The following RUBCNL variants were observed in gnomAD, a reference collection of about 807,000 sequenced individuals.
The protein encoded by RUBCNL is rubicon like autophagy enhancer.
RUBCNL carries 62 observed loss-of-function variants against 69.5 expected under a neutral mutation model. The observed-to-expected ratio is 0.89, with a 90% CI of 0.73 to 1.10. RUBCNL has a LOEUF of 1.10. Ranked by LOEUF, RUBCNL falls within the 50% of genes least tolerant of loss-of-function variation. The pLI is 0.00. For missense variants in RUBCNL, 768 were observed against 798.1 expected (o/e 0.96, Z 0.45); for synonymous variants, 291 against 303.6 (o/e 0.96, Z 0.43).
rs1259170071 is a variant in RUBCNL, at chr13:46,341,394, T to TA, written c.*1990dup. Among the ~76,000 whole-genome samples the TA allele has an allele frequency of 6.6e-6, 1 of 152,178 alleles. No individual in the cohort carries two copies. Among genetic ancestry groups the TA allele is most frequent in the African/African-American group, 2.4e-5 (1 of 41,436 alleles). ...CCATGTGGGCTGAAGATCACTTCCC[T>TA]AACAGGTGCCTTCCTGGGAAGAAGC... On this transcript the variant is annotated 3_prime_UTR_variant, in exon 15 of 15. Coordinates refer to ENST00000429979, the MANE Select transcript of RUBCNL (RefSeq NM_025113.5).
rs1055119892 is a variant in RUBCNL at position 46,341,103 on chromosome 13, G to A, written c.*2282C>T. 6.6e-6 allele frequency among the ~76,000 whole-genome samples: 1 copy of A among 152,220 alleles called. No homozygotes were observed. Among genetic ancestry groups the A allele is most frequent in the Non-Finnish European group, 1.5e-5 (1 of 68,034 alleles). ...CCTCATCCTATAGCCTCTGCCTTGA[G>A]ATGGTGTAACTTCCTCCCTGCAGTT... On this transcript the variant is annotated 3_prime_UTR_variant, in exon 15 of 15. Coordinates refer to ENST00000429979, the MANE Select transcript of RUBCNL (RefSeq NM_025113.5).
chr13:46,351,934 T>C (rs1348091664), intron 10 of RUBCNL, among the ~76,000 whole-genome samples: 1 of 150,916 alleles, frequency 6.6e-6, no homozygotes, highest in Non-Finnish European at 1.5e-5. Flanking sequence ...GTTCAAGTGA[T>C]TCTCCTGCCT....
intron 2 of RUBCNL, among the ~76,000 whole-genome samples, chr13:46,376,745 C>A (rs933837661): frequency 1.3e-5 from 2 of 152,172 alleles, no homozygotes; most frequent in Admixed American, 6.5e-5. Flanking sequence ...TCTTTCTAGA[C>A]CTTTATCTAT....
At chr13:46,365,569 CAT>C (rs1247141513) in intron 5 of RUBCNL, among the ~76,000 whole-genome samples, 1 of 152,174 alleles carries the variant, frequency 6.6e-6, no homozygotes, top group East Asian at 1.9e-4. Flanking sequence ...AGTGGCAGGA[CAT>C]TGCTTCTGAA....
Position 46,335,260 on chromosome 13 carries a change from GTTTTTTTT to G in RUBCNL, c.*8117_*8124del, listed in dbSNP as rs764458781. On this transcript the variant is annotated 3_prime_UTR_variant, in exon 15 of 15. Coordinates refer to ENST00000429979, the MANE Select transcript of RUBCNL (RefSeq NM_025113.5). ...GTGTCTTTTTGTTGTTGTTGTTGTT[GTTTTTTTT>G]TTTTTTTTTTTTTTTTTAAGAGACA... Among the ~76,000 whole-genome samples the G allele has an allele frequency of 4.9e-5, 5 of 101,902 alleles. No homozygotes were observed. The East Asian group carries it at 1.1e-3, about 23-fold the overall frequency. 66.9% of individuals were successfully genotyped at this position (101,902 alleles called of 152,430 possible). A position where few individuals can be genotyped will look rare whatever the true frequency, so the allele number is the denominator to read the frequency against.
intron 5 of RUBCNL, 34 bp from the exon 6 acceptor site, chr13:46,363,247 A>C: frequency 8.1e-7 from 1 of 1,228,540 alleles, no homozygotes; most frequent in Non-Finnish European, 1.1e-6. Context: ...TTTTACCAAT[A>C]AGAAGAAAAA....
chr13:46,387,470 T>C (rs2049278900), upstream of RUBCNL: 3 of 985,474 alleles, frequency 3.0e-6, no homozygotes, highest in Middle Eastern at 1.6e-3. Context: ...CACGCACCTA[T>C]GCGCGCCTCT....
At chr13:46,381,237 A>G (rs1474822530) in intron 1 of RUBCNL, among the ~76,000 whole-genome samples, 1 of 152,242 alleles carries the variant, frequency 6.6e-6, no homozygotes, top group Non-Finnish European at 1.5e-5. Flanking sequence ...TTGATGAATT[A>G]ACAAAGTGTG....
At chr13:46,352,757 T>C (rs1398906927) in intron 10 of RUBCNL, among the ~76,000 whole-genome samples, 1 of 152,050 alleles carries the variant, frequency 6.6e-6, no homozygotes, top group Admixed American at 6.5e-5. Context: ...TGAGCCAAGA[T>C]TGCGCCATTG....
chr13:46,360,764 A>T (rs377673647), intron 8 of RUBCNL, among the ~76,000 whole-genome samples: 1 of 152,358 alleles, frequency 6.6e-6, no homozygotes, highest in African/African-American at 2.4e-5. Context: ...CTCTGACAGC[A>T]GTGAGCAGTG....
In RUBCNL at chr13:46,387,205, C is replaced by G. The variant is rs540847661; in HGVS notation, c.-310G>C. On this transcript the variant is annotated 5_prime_UTR_variant, in exon 1 of 15. Transcript: ENST00000429979. ...CGTCGGGTCCTCCCTCGCGCGGCTC[C>G]GGGCAGCGTTCCGTGGCCACCGCGC... is the stretch of plus-strand genomic sequence containing the variant. 600 of 985,224 alleles carry G rather than the reference C, an allele frequency of 6.1e-4. 1 individual carries two copies. Among genetic ancestry groups the G allele is most frequent in the Non-Finnish European group, 6.7e-4 (552 of 829,918 alleles). The allele number at this position is 985,224 out of a possible 1,614,324, so 61.0% of individuals were successfully genotyped here.
At position 46,336,402 on chromosome 13, in the gene RUBCNL, ATTAGT is replaced by A. The variant is rs1476473574; in HGVS notation, c.*6978_*6982del. ...TCTCATTTATCATCTGTAATTTGTC[ATTAGT>A]TTAAATGATCTATCATTTATTTAAA... is the stretch of plus-strand genomic sequence containing the variant. On this transcript the variant is annotated 3_prime_UTR_variant, in exon 15 of 15. Transcript: ENST00000429979. 6.6e-6 allele frequency among the ~76,000 whole-genome samples: 1 copy of A among 152,156 alleles called. No individual in the cohort carries two copies. The highest frequency in any genetic ancestry group is 6.5e-5 in the Admixed American group (1 of 15,278).
At chr13:46,381,739 C>T (rs769799534) in intron 1 of RUBCNL, among the ~76,000 whole-genome samples, 9 of 152,120 alleles carry the variant, frequency 5.9e-5, no homozygotes, top group Non-Finnish European at 1.2e-4. Flanking sequence ...TGCGCCACCA[C>T]GCCCGGCAAT....
Position 46,337,415 on chromosome 13 carries a change from G to A in RUBCNL, c.*5970C>T, listed in dbSNP as rs767597693. On this transcript the variant is annotated 3_prime_UTR_variant, in exon 15 of 15. Coordinates refer to ENST00000429979, the MANE Select transcript of RUBCNL (RefSeq NM_025113.5). ...GCCTGAGGCATATATCTCAACTTTG[G>A]GAGTGCTGGGATTACAAGTGTGAGC... is the stretch of plus-strand genomic sequence containing the variant. Among the ~76,000 whole-genome samples, 17 of 152,002 alleles carry A rather than the reference G, an allele frequency of 1.1e-4. No individual in the cohort carries two copies. The highest frequency in any genetic ancestry group is 2.6e-4 in the Admixed American group (4 of 15,252).
Position 46,338,556 on chromosome 13 carries a change from TTGCCCTTTGTCTCCTC to T in RUBCNL, c.*4813_*4828del, listed in dbSNP as rs2048119170. 6.6e-6 allele frequency among the ~76,000 whole-genome samples: 1 copy of T among 152,222 alleles called. No homozygotes were observed. Among genetic ancestry groups the T allele is most frequent in the South Asian group, 2.1e-4 (1 of 4,830 alleles). ...GGAGGGGTGGGGGCTTTGGGTGCGCTTGCCCTTTGTCTCCTCACCAATGGGGATGTACGTAGCCCGA... is the reference window on the plus strand; with the variant it reads ...GGAGGGGTGGGGGCTTTGGGTGCGCTACCAATGGGGATGTACGTAGCCCGA... On this transcript the variant is annotated 3_prime_UTR_variant, in exon 15 of 15. Coordinates refer to ENST00000429979, the MANE Select transcript of RUBCNL (RefSeq NM_025113.5).
intron 5 of RUBCNL, 38 bp downstream of exon 5, chr13:46,368,004 C>T (rs1371099893): frequency 6.3e-7 from 1 of 1,577,226 alleles, no homozygotes; most frequent in South Asian, 1.1e-5. Flanking sequence ...ATATGTGAAA[C>T]ACATAACATA....
At position 46,368,042 on chromosome 13, in the gene RUBCNL, C is replaced by G; in HGVS notation, c.826G>C (p.Gly276Arg). Residue 276 changes from glycine (G) to arginine (R), a missense_variant and splice_region_variant, in exon 5 of 15, where the codon GGT (glycine) becomes CGT (arginine). Coordinates refer to ENST00000429979, the MANE Select transcript of RUBCNL (RefSeq NM_025113.5). ...GCTTTCTCATATTTGCCCAACTTGC[C>G]TTCATAGCCACTGTATGAAGAAGTA... ...SSTSSYSGYEGCAVLQVSPVT... is the reference protein window; with the variant it reads ...SSTSSYSGYERCAVLQVSPVT... 6.2e-7 allele frequency: 1 copy of G among 1,613,862 alleles called. No homozygotes were observed.
chr13:46,361,473 G>C lies in RUBCNL; in HGVS notation c.1087C>G (p.Leu363Val). ...CCAGCTGCACTCAGGGAACCTGCCA[G>C]CTGAGAATTAACTACTGACAGTATC... ...CWILSVVNSQLAGSLSAAGSI... is the reference protein window; with the variant it reads ...CWILSVVNSQVAGSLSAAGSI... Residue 363 changes from leucine to valine, a missense_variant, in exon 8 of 15, where the codon CTG becomes GTG. By Grantham distance (32) the Leu-to-Val change is conservative (BLOSUM62 1). Coordinates refer to ENST00000429979, the MANE Select transcript of RUBCNL (RefSeq NM_025113.5). 5.0e-6 allele frequency: 8 copies of C among 1,613,906 alleles called. No individual in the cohort carries two copies. The highest frequency in any genetic ancestry group is 6.8e-6 in the Non-Finnish European group (8 of 1,179,822).
chr13:46,362,144 G>A (rs2048627198), intron 7 of RUBCNL, among the ~76,000 whole-genome samples: 1 of 152,070 alleles, frequency 6.6e-6, no homozygotes, highest in Non-Finnish European at 1.5e-5. Context: ...GGCTGAGGCA[G>A]GAGAATTGCT....
Sources: gnomAD v4.1 joint callset for allele counts (sites outside exome capture counted in the v4.1 genomes callset) on GRCh38, gnomAD v4.1.1 for gene constraint, MANE v1.5 for transcripts, NCBI Gene and HGNC (gene_info 2026-07-23, HGNC 2026-07-21) for gene names.